Variants in IMMP2L observed in about 807,000 individuals in gnomAD.
IMMP2L encodes mitochondrial inner membrane protease subunit 2.
In IMMP2L, 18 loss-of-function variants were observed where a neutral mutation model predicts 19.3. That is an observed-to-expected ratio of 0.93 (90% CI 0.64 to 1.38). IMMP2L has a LOEUF of 1.38. Among genes scored for constraint, IMMP2L ranks in the 40% most tolerant of loss-of-function variants. The pLI is 0.00. For synonymous variants in IMMP2L, 76 were observed against 73.0 expected, an observed-to-expected ratio of 1.04 and a Z score of -0.21; for missense variants, 233 against 218.2, an observed-to-expected ratio of 1.07 and a Z score of -0.43.
At chr7:111,369,992 A>G (rs574753245) in intron 3 of IMMP2L, among the ~76,000 whole-genome samples, 1 of 152,034 alleles carries the variant, frequency 6.6e-6, no homozygotes, top group African/African-American at 2.4e-5. Context: ...CTGTTAAGGA[A>G]GCAATTAATT....
At chr7:110,773,808 A>G (rs1025043168) in intron 5 of IMMP2L, among the ~76,000 whole-genome samples, 1 of 147,778 alleles carries the variant, frequency 6.8e-6, no homozygotes, top group African/African-American at 2.5e-5. Context: ...CAAGTGCTCA[A>G]TGCAGTTAAT....
intron 3 of IMMP2L, among the ~76,000 whole-genome samples, chr7:111,325,148 T>C (rs773974662): frequency 4.6e-4 from 70 of 151,852 alleles, no homozygotes; most frequent in South Asian, 1.7e-3. Context: ...AAAAAAGAAA[T>C]ATAAGATTTT....
intron 3 of IMMP2L, among the ~76,000 whole-genome samples, chr7:111,468,515 T>C (rs1470114130): frequency 2.6e-5 from 4 of 152,058 alleles, no homozygotes; most frequent in Admixed American, 6.6e-5. Flanking sequence ...GTCTTGACTT[T>C]TAGAGGAGAG....
At chr7:110,743,297 A>C (rs1797112176) in intron 5 of IMMP2L, among the ~76,000 whole-genome samples, 1 of 152,214 alleles carries the variant, frequency 6.6e-6, no homozygotes, top group Admixed American at 6.5e-5. Flanking sequence ...TATATTTTAG[A>C]TAGTAATTAT....
intron 5 of IMMP2L, among the ~76,000 whole-genome samples, chr7:110,683,719 C>A (rs376530260): frequency 6.6e-6 from 1 of 152,040 alleles, no homozygotes; most frequent in Non-Finnish European, 1.5e-5. Context: ...AATGTCAGTC[C>A]TAGTATTGAC....
chr7:111,280,556 T>A (rs1279127034), intron 3 of IMMP2L, among the ~76,000 whole-genome samples: 4 of 152,142 alleles, frequency 2.6e-5, no homozygotes, highest in Non-Finnish European at 5.9e-5. Context: ...CAGTGGTTGG[T>A]ACACATCAAA....
intron 3 of IMMP2L, among the ~76,000 whole-genome samples, chr7:111,165,797 C>T (rs1258766740): frequency 6.6e-6 from 1 of 152,024 alleles, no homozygotes; most frequent in Non-Finnish European, 1.5e-5. Context: ...AGACTGACAG[C>T]ATCTTGAGAT....
chr7:111,197,394 C>T (rs1369393380), intron 3 of IMMP2L, among the ~76,000 whole-genome samples: 1 of 152,036 alleles, frequency 6.6e-6, no homozygotes, highest in Non-Finnish European at 1.5e-5. Flanking sequence ...ACCCAGGAGG[C>T]GGAGCTTGCA....
At chr7:111,225,833 T>G (rs1813027211) in intron 3 of IMMP2L, among the ~76,000 whole-genome samples, 1 of 152,128 alleles carries the variant, frequency 6.6e-6, no homozygotes, top group Non-Finnish European at 1.5e-5. Context: ...TTCAGTGTGA[T>G]TTTGCTTCCA....
At chr7:110,856,714 A>T (rs1806818390) in intron 5 of IMMP2L, among the ~76,000 whole-genome samples, 1 of 152,080 alleles carries the variant, frequency 6.6e-6, no homozygotes, top group Admixed American at 6.6e-5. Flanking sequence ...ATGAAAATTT[A>T]CGTCAAGATA....
At chr7:110,907,017 T>A (rs1235964239) in intron 4 of IMMP2L, among the ~76,000 whole-genome samples, 7 of 149,590 alleles carry the variant, frequency 4.7e-5, no homozygotes, top group Admixed American at 4.6e-4. Flanking sequence ...GGAGCAAAAC[T>A]CCATGAGGGC....
chr7:111,480,193 C>T (rs1842058516), intron 3 of IMMP2L, among the ~76,000 whole-genome samples: 1 of 151,596 alleles, frequency 6.6e-6, no homozygotes, highest in Admixed American at 6.6e-5. Context: ...ACGCCATTCT[C>T]CTGCCTCAGC....
At chr7:110,895,062 G>A (rs1270800920) in intron 4 of IMMP2L, among the ~76,000 whole-genome samples, 1 of 152,134 alleles carries the variant, frequency 6.6e-6, no homozygotes, top group African/African-American at 2.4e-5. Context: ...GAAGTTTATT[G>A]GACTTAAAGT....
At chr7:110,920,959 T>C (rs928048378) in intron 4 of IMMP2L, among the ~76,000 whole-genome samples, 1 of 152,222 alleles carries the variant, frequency 6.6e-6, no homozygotes, top group Non-Finnish European at 1.5e-5. Context: ...CATCAGTTTT[T>C]CCTGTGAAGT....
intron 3 of IMMP2L, among the ~76,000 whole-genome samples, chr7:111,012,064 T>C (rs542518825): frequency 9.2e-5 from 14 of 152,234 alleles, no homozygotes; most frequent in East Asian, 5.8e-4. Flanking sequence ...CAGATATTTA[T>C]GGAGTTCGAG....
chr7:111,485,746 G>A (rs1297349414), intron 3 of IMMP2L, among the ~76,000 whole-genome samples: 1 of 151,616 alleles, frequency 6.6e-6, no homozygotes, highest in African/African-American at 2.4e-5. Flanking sequence ...ATAGTAGTGT[G>A]CTCTTTTTAA....
intron 5 of IMMP2L, among the ~76,000 whole-genome samples, chr7:110,817,434 T>G (rs994815009): frequency 1.3e-5 from 2 of 151,958 alleles, no homozygotes; most frequent in Admixed American, 6.6e-5. Context: ...CAAGGAGAAC[T>G]ACAAACCACT....
At chr7:111,233,968 A>G (rs2129625571) in intron 3 of IMMP2L, among the ~76,000 whole-genome samples, 1 of 152,164 alleles carries the variant, frequency 6.6e-6, no homozygotes, top group South Asian at 2.1e-4. Flanking sequence ...TTCTCCCCAC[A>G]AGCAGAAATT....
chr7:111,250,497 T>G (rs1168477124), intron 3 of IMMP2L, among the ~76,000 whole-genome samples: 1 of 152,100 alleles, frequency 6.6e-6, no homozygotes, highest in Non-Finnish European at 1.5e-5. Context: ...CTACCTGACT[T>G]CAAACTATAC....
Sources: gnomAD v4.1 joint callset for allele counts (sites outside exome capture counted in the v4.1 genomes callset) on GRCh38, gnomAD v4.1.1 for gene constraint, MANE v1.5 for transcripts, NCBI Gene and HGNC (gene_info 2026-07-23, HGNC 2026-07-21) for gene names.